Variants in MS4A6A observed in about 807,000 individuals in gnomAD.
MS4A6A encodes membrane spanning 4-domains A6A.
A neutral mutation model predicts 20.6 loss-of-function variants in MS4A6A; 19 were observed. The ratio of observed to expected loss-of-function variants is 0.92; its 90% confidence interval spans 0.64 to 1.36. MS4A6A has a LOEUF of 1.36. Ranked by LOEUF, MS4A6A falls within the 40% of genes most tolerant of loss-of-function variation. The pLI is 0.00. For missense variants in MS4A6A, 272 were observed against 261.1 expected, an observed-to-expected ratio of 1.04 and a Z score of -0.29; for synonymous variants, 108 against 105.0, an observed-to-expected ratio of 1.03 and a Z score of -0.17.
At chr11:60,174,413 A>T (rs1856734748) in intron 5 of MS4A6A, among the ~76,000 whole-genome samples, 1 of 144,970 alleles carries the variant, frequency 6.9e-6, no homozygotes, top group African/African-American at 2.6e-5. Context: ...AACCTCCGCC[A>T]CCTCCCAGGC....
At chr11:60,181,528 A>G (rs1857133340) in intron 2 of MS4A6A, 53 bp downstream of exon 2, 2 of 1,604,144 alleles carry the variant, frequency 1.2e-6, no homozygotes, top group Admixed American at 1.7e-5. Context: ...GACATATATC[A>G]TCTCTTGGCA....
rs997612777 is a variant in MS4A6A, at chr11:60,172,774, C to G, written c.*227G>C. 3.8e-6 allele frequency: 5 copies of G among 1,306,706 alleles called. No individual in the cohort carries two copies. The African/African-American group carries it at 7.5e-5, about 20-fold the overall frequency. The allele number at this position is 1,306,706 out of a possible 1,614,324, so 80.9% of individuals were successfully genotyped here. ...ACTTCCCAGAGTCTCATTCCCTTCGCTGACAAAATAGGAAGATTGAATCAG... is the reference window on the plus strand; with the variant it reads ...ACTTCCCAGAGTCTCATTCCCTTCGGTGACAAAATAGGAAGATTGAATCAG... On this transcript the variant is annotated 3_prime_UTR_variant, in exon 6 of 6. Transcript: ENST00000528851.
intron 3 of MS4A6A, chr11:60,178,896 G>A (rs1411972824): frequency 9.7e-6 from 4 of 413,726 alleles, no homozygotes; most frequent in Middle Eastern, 3.5e-4. Flanking sequence ...CTCAGCCAGC[G>A]CTACCCAAAA....
At position 60,175,383 on chromosome 11, in the gene MS4A6A, C is replaced by T. The variant is rs745637891; in HGVS notation, c.549+19G>A. ...TGAATACCTCATAAGATTAGAACAT[C>T]CCATCTAAAAATACTTACAGCCAGA... is the stretch of plus-strand genomic sequence containing the variant. On this transcript the variant is annotated intron_variant, in intron 5 of 5. Coordinates refer to ENST00000528851, the MANE Select transcript of MS4A6A (RefSeq NM_022349.4). 5.1e-6 allele frequency: 8 copies of T among 1,566,598 alleles called. No individual in the cohort carries two copies. The South Asian group carries it at 8.9e-5, about 17-fold the overall frequency.
At position 60,173,060 on chromosome 11, in the gene MS4A6A, G is replaced by A. The variant is rs371493203; in HGVS notation, c.619C>T (p.Arg207Trp). Residue 207 changes from arginine (R) to tryptophan (W), a missense_variant, in exon 6 of 6, where the codon CGG becomes TGG. Physicochemically the swap from Arg to Trp is moderately radical, Grantham distance 101 (BLOSUM62 -3). Transcript: ENST00000528851. ...FCLAVLTAVLRWKQAYSDFPG... is the reference protein window; with the variant it reads ...FCLAVLTAVLWWKQAYSDFPG... ...AAGTCAGAGTAAGCCTGTTTCCACC[G>A]CAGCACAGCAGTGAGCACAGCTAGG... The A allele has an allele frequency of 7.0e-5, 113 of 1,613,892 alleles. No homozygotes were observed. The highest frequency in any genetic ancestry group is 2.9e-4 in the South Asian group (26 of 91,082).
intron 5 of MS4A6A, among the ~76,000 whole-genome samples, chr11:60,174,399 C>T (rs1856733729): frequency 6.6e-6 from 1 of 151,412 alleles, no homozygotes; most frequent in South Asian, 2.1e-4. Context: ...TCTCAGCTCA[C>T]TGCAACCTCC....
chr11:60,178,610 A>G (rs1856970941), intron 3 of MS4A6A, among the ~76,000 whole-genome samples: 1 of 152,132 alleles, frequency 6.6e-6, no homozygotes, highest in African/African-American at 2.4e-5. Context: ...AAAATGAGAC[A>G]GTTTTGGTGT....
At chr11:60,172,148 C>T (rs771469164), downstream of MS4A6A, 3 of 1,606,490 alleles carry the variant, frequency 1.9e-6, no homozygotes, top group Non-Finnish European at 2.6e-6. Flanking sequence ...TAATATTTCT[C>T]CCTTTTTTCT....
At chr11:60,183,256 G>T, upstream of MS4A6A, 2 of 1,351,368 alleles carry the variant, frequency 1.5e-6, no homozygotes, top group Non-Finnish European at 2.0e-6. Flanking sequence ...GGAGCCTTAT[G>T]TGTGAATTGC....
chr11:60,174,352 CTT>C (rs1010814623), intron 5 of MS4A6A, among the ~76,000 whole-genome samples: 77 of 144,282 alleles, frequency 5.3e-4, no homozygotes, highest in African/African-American at 1.9e-3. Flanking sequence ...GAGACGGAGT[CTT>C]GCTCTGTCAC....
chr11:60,175,959 C>A (rs535193058), intron 4 of MS4A6A, among the ~76,000 whole-genome samples: 1 of 152,156 alleles, frequency 6.6e-6, no homozygotes, highest in South Asian at 2.1e-4. Flanking sequence ...AAGGTGGCAA[C>A]GTACCAGATG....
downstream of MS4A6A, chr11:60,172,378 C>A: frequency 7.0e-7 from 1 of 1,435,530 alleles, no homozygotes; most frequent in Non-Finnish European, 9.1e-7. Flanking sequence ...GAGCATATCA[C>A]CAGGTTCTTC....
chr11:60,172,495 G>T, downstream of MS4A6A: 2 of 1,213,576 alleles, frequency 1.6e-6, no homozygotes, highest in Non-Finnish European at 1.0e-6. Flanking sequence ...AGTCCATAGG[G>T]GTTTGATTCA....
At position 60,172,892 on chromosome 11, in the gene MS4A6A, C is replaced by T. The variant is rs147210228; in HGVS notation, c.*109G>A. 1,702 of 1,555,270 alleles carry T rather than the reference C, an allele frequency of 1.1e-3. 17 individuals carry two copies. In the African/African-American group the frequency reaches 0.02, roughly 19 times the overall value. On this transcript the variant is annotated 3_prime_UTR_variant, in exon 6 of 6. Transcript: ENST00000528851. The stretch of plus-strand genomic sequence containing the variant: ...TCTGCTTTTCTTCTCTGTCTTCCAT[C>T]ACAATGCAAATGCCCTCCCATGTGT...
intron 4 of MS4A6A, 79 bp from the exon 5 acceptor site, chr11:60,175,690 T>C (rs1009583073): frequency 1.4e-6 from 2 of 1,444,032 alleles, no homozygotes; most frequent in African/African-American, 2.8e-5. Context: ...AAATTGTAAG[T>C]TATTCCCTTA....
Position 60,173,000 on chromosome 11 carries a change from G to C in MS4A6A, c.*1C>G. The C allele has an allele frequency of 2.5e-6, 4 of 1,613,964 alleles. No homozygotes were observed. Among genetic ancestry groups the C allele is most frequent in the Middle Eastern group, 1.7e-4 (1 of 6,060 alleles). ...GCAGGGATAAGATACACTAGGCAAG[G>C]TTAAGTGAAGCCGGCCAGCACACTC... On this transcript the variant is annotated 3_prime_UTR_variant, in exon 6 of 6. Coordinates refer to ENST00000528851, the MANE Select transcript of MS4A6A (RefSeq NM_022349.4).
rs779319959 is a variant in MS4A6A at position 60,173,006 on chromosome 11, T to C, written c.673A>G (p.Thr225Ala). ...ATAAGATACACTAGGCAAGGTTAAGTGAAGCCGGCCAGCACACTCACCCCA... is the reference window on the plus strand; with the variant it reads ...ATAAGATACACTAGGCAAGGTTAAGCGAAGCCGGCCAGCACACTCACCCCA... Reference protein sequence around the residue: ...FPGVSVLAGFT With the variant: ...FPGVSVLAGFA The change falls in exon 6 of 6, where the codon ACT (threonine) becomes GCT (alanine). Residue 225 changes from threonine (T) to alanine (A), a missense_variant. Physicochemically the swap from Thr to Ala is moderately conservative, Grantham distance 58. Coordinates refer to ENST00000528851, the MANE Select transcript of MS4A6A (RefSeq NM_022349.4). 9 of 1,613,874 alleles carry C rather than the reference T, an allele frequency of 5.6e-6. No individual in the cohort carries two copies. The highest frequency in any genetic ancestry group is 1.6e-4 in the Middle Eastern group (1 of 6,084).
At chr11:60,172,268 A>G, downstream of MS4A6A, 2 of 1,609,028 alleles carry the variant, frequency 1.2e-6, no homozygotes, top group Non-Finnish European at 1.7e-6. Context: ...AAGAAACAAA[A>G]TATGTTAGGT....
At chr11:60,175,253 C>G (rs1180912264) in intron 5 of MS4A6A, 149 bp downstream of exon 5, 2 of 619,528 alleles carry the variant, frequency 3.2e-6, no homozygotes, top group Admixed American at 5.8e-5. Context: ...AATCTCATCC[C>G]TGTAGTCCCC....
Sources: gnomAD v4.1 joint callset for allele counts (sites outside exome capture counted in the v4.1 genomes callset) on GRCh38, gnomAD v4.1.1 for gene constraint, MANE v1.5 for transcripts, NCBI Gene and HGNC (gene_info 2026-07-23, HGNC 2026-07-21) for gene names.